Variants in WWP2 observed in about 807,000 individuals in gnomAD.
WWP2 encodes NEDD4-like E3 ubiquitin-protein ligase WWP2.
WWP2 carries 57 observed loss-of-function variants against 121.0 expected under a neutral mutation model. The observed-to-expected ratio is 0.47, with a 90% CI of 0.38 to 0.59. The LOEUF (loss-of-function observed/expected upper bound fraction) is 0.59, where lower values mean the gene tolerates loss of function less well. Among genes scored for constraint, WWP2 ranks in the 20% least tolerant of loss-of-function variants. WWP2 has a pLI of 0.00. For missense variants in WWP2, 962 were observed against 1,158.9 expected (o/e 0.83, Z 2.47); for synonymous variants, 449 against 441.3 (o/e 1.02, Z -0.22).
intron 18 of WWP2, 100 bp from the exon 19 acceptor site, chr16:69,936,212 G>A: frequency 1.3e-6 from 2 of 1,556,510 alleles, no homozygotes; most frequent in Non-Finnish European, 1.7e-6. Context: ...AGGATTCTAG[G>A]CCACCTGTGG....
chr16:69,912,195 A>C (rs2058387749), intron 9 of WWP2, among the ~76,000 whole-genome samples: 2 of 151,962 alleles, frequency 1.3e-5, no homozygotes, highest in African/African-American at 4.8e-5. Flanking sequence ...AGGCTGAGGC[A>C]GGAGAATTGT....
intron 6 of WWP2, among the ~76,000 whole-genome samples, chr16:69,849,098 A>G (rs562770751): frequency 1.3e-5 from 2 of 152,380 alleles, no homozygotes; most frequent in South Asian, 2.1e-4. Flanking sequence ...TAGATCATCA[A>G]CTGTGTCTGC....
chr16:69,817,374 G>C (rs139657103), intron 4 of WWP2, among the ~76,000 whole-genome samples: 2 of 152,000 alleles, frequency 1.3e-5, no homozygotes, highest in African/African-American at 4.8e-5. Context: ...TTAGCCTCCC[G>C]AATAGTTGGG....
intron 8 of WWP2, among the ~76,000 whole-genome samples, chr16:69,904,779 G>C (rs1421691692): frequency 2.0e-5 from 3 of 152,140 alleles, no homozygotes; most frequent in African/African-American, 7.2e-5. Flanking sequence ...CAGGGCATCT[G>C]GGTCAAATCC....
intron 12 of WWP2, among the ~76,000 whole-genome samples, chr16:69,929,800 A>G (rs1053075667): frequency 1.3e-5 from 2 of 152,114 alleles, no homozygotes; most frequent in Non-Finnish European, 2.9e-5. Context: ...CTGGCTGCTG[A>G]TAATTGGATT....
At chr16:69,913,350 A>T (rs1281403607) in intron 9 of WWP2, among the ~76,000 whole-genome samples, 5 of 151,868 alleles carry the variant, frequency 3.3e-5, no homozygotes, top group East Asian at 3.9e-4. Flanking sequence ...AGTTTTTTTT[A>T]AATTAGCTGA....
At chr16:69,824,548 C>A (rs1350631638) in intron 4 of WWP2, among the ~76,000 whole-genome samples, 1 of 129,808 alleles carries the variant, frequency 7.7e-6, no homozygotes, top group African/African-American at 2.8e-5. Flanking sequence ...TTTGTTCCTT[C>A]CTTTTTTCCT....
chr16:69,920,875 G>T (rs2058551609), intron 10 of WWP2, among the ~76,000 whole-genome samples: 1 of 152,158 alleles, frequency 6.6e-6, no homozygotes, highest in Non-Finnish European at 1.5e-5. Flanking sequence ...TGACCAAGAT[G>T]TTGGTGTGTG....
chr16:69,907,375 A>G (rs1284820318), intron 8 of WWP2, among the ~76,000 whole-genome samples: 2 of 152,214 alleles, frequency 1.3e-5, no homozygotes, highest in East Asian at 1.9e-4. Flanking sequence ...CCGCTTCTAT[A>G]TCAATAGCAT....
intron 4 of WWP2, among the ~76,000 whole-genome samples, chr16:69,800,855 G>A (rs2056148602): frequency 6.6e-6 from 1 of 151,352 alleles, no homozygotes; most frequent in African/African-American, 2.4e-5. Context: ...GTGAGCCACT[G>A]CACCCAGCCT....
chr16:69,870,177 C>A (rs2057607685), intron 6 of WWP2, among the ~76,000 whole-genome samples: 1 of 152,162 alleles, frequency 6.6e-6, no homozygotes, highest in African/African-American at 2.4e-5. Flanking sequence ...TTTAGGGTTC[C>A]CATGTTAAAT....
intron 7 of WWP2, among the ~76,000 whole-genome samples, chr16:69,887,022 A>C (rs919201711): frequency 6.6e-6 from 1 of 152,234 alleles, no homozygotes; most frequent in South Asian, 2.1e-4. Flanking sequence ...ACTTCCAAAA[A>C]ACCACAGTTC....
At chr16:69,934,498 G>A (rs1477101662) in intron 17 of WWP2, among the ~76,000 whole-genome samples, 2 of 151,622 alleles carry the variant, frequency 1.3e-5, no homozygotes, top group African/African-American at 4.8e-5. Flanking sequence ...GGGTCGCTGG[G>A]CCACAGACTT....
intron 6 of WWP2, among the ~76,000 whole-genome samples, chr16:69,843,056 G>C (rs1440014137): frequency 1.3e-5 from 2 of 152,132 alleles, no homozygotes; most frequent in Non-Finnish European, 2.9e-5. Context: ...GACTGGCTAA[G>C]TAGGTTATTG....
chr16:69,815,736 G>A (rs936837305), intron 4 of WWP2, among the ~76,000 whole-genome samples: 18 of 149,256 alleles, frequency 1.2e-4, no homozygotes, highest in East Asian at 2.0e-4. Flanking sequence ...GCAGTGAGCC[G>A]AGATCGCCCC....
At chr16:69,840,349 C>T in intron 5 of WWP2, 86 bp downstream of exon 5, 2 of 1,570,600 alleles carry the variant, frequency 1.3e-6, no homozygotes, top group Admixed American at 1.7e-5. Flanking sequence ...TTGGTTCTTA[C>T]TAGGCCATCT....
chr16:69,912,918 CA>C (rs2058404389), intron 9 of WWP2, among the ~76,000 whole-genome samples: 1 of 31,790 alleles, frequency 3.1e-5, no homozygotes, highest in Non-Finnish European at 5.6e-5. Flanking sequence ...CCAGTCTCTA[CA>C]AAACAAAAAA....
chr16:69,921,636 G>T (rs1194898550), intron 10 of WWP2, among the ~76,000 whole-genome samples: 1 of 152,092 alleles, frequency 6.6e-6, no homozygotes, highest in African/African-American at 2.4e-5. Flanking sequence ...TTGCTTCACC[G>T]TTGCAGTTTC....
intron 4 of WWP2, among the ~76,000 whole-genome samples, chr16:69,802,222 T>C (rs11075738): frequency 0.46 from 69,970 of 152,030 alleles, 17,119 homozygotes; most frequent in African/African-American, 0.62. Flanking sequence ...CCACCGTGCC[T>C]GGCCTATATT....
Sources: gnomAD v4.1 joint callset for allele counts (sites outside exome capture counted in the v4.1 genomes callset) on GRCh38, gnomAD v4.1.1 for gene constraint, MANE v1.5 for transcripts, NCBI Gene and HGNC (gene_info 2026-07-23, HGNC 2026-07-21) for gene names.